Variants in ANKRD13A observed in about 807,000 individuals in gnomAD.
The protein encoded by ANKRD13A is ankyrin repeat domain-containing protein 13A.
A neutral mutation model predicts 81.3 loss-of-function variants in ANKRD13A; 48 were observed. That is an observed-to-expected ratio of 0.59 (90% CI 0.47 to 0.75). The LOEUF (loss-of-function observed/expected upper bound fraction) is 0.75. Ranked by LOEUF, ANKRD13A falls within the 30% of genes least tolerant of loss-of-function variation. The probability of loss-of-function intolerance (pLI) is 0.00; values close to 1 mark genes in which losing one functional copy is unlikely to be tolerated. For missense variants in ANKRD13A, 612 were observed against 734.0 expected, an observed-to-expected ratio of 0.83 and a Z score of 1.92; for synonymous variants, 230 against 270.1, an observed-to-expected ratio of 0.85 and a Z score of 1.45.
chr12:110,028,045 A>G, intron 9 of ANKRD13A: 1 of 442,410 alleles, frequency 2.3e-6, no homozygotes, highest in South Asian at 2.8e-5. Flanking sequence ...GGAACTTAAA[A>G]AGGATTCAGG....
chr12:110,023,962 G>C, intron 6 of ANKRD13A, 84 bp from the exon 7 acceptor site: 1 of 1,373,036 alleles, frequency 7.3e-7, no homozygotes, highest in South Asian at 1.3e-5. Flanking sequence ...TAAGCTGGGG[G>C]GGAAAAAAAC....
chr12:110,017,556 A>G (rs1160010864), intron 4 of ANKRD13A, among the ~76,000 whole-genome samples: 2 of 152,220 alleles, frequency 1.3e-5, no homozygotes, highest in African/African-American at 4.8e-5. Context: ...AAAGTACGTA[A>G]AAGAATAGAA....
chr12:110,024,119 G>A lies in ANKRD13A; in HGVS notation c.801+7G>A. ...TAATGGTTACGAAGCAAAGGTAAAA[G>A]GAAACTCTTAAAATAAGATTTAATA... On this transcript the variant is annotated splice_region_variant and intron_variant, in intron 7 of 14. Coordinates refer to ENST00000261739, the MANE Select transcript of ANKRD13A (RefSeq NM_033121.2). 5 of 1,592,546 alleles carry A rather than the reference G, an allele frequency of 3.1e-6. No homozygotes were observed. Among genetic ancestry groups the A allele is most frequent in the Non-Finnish European group, 3.4e-6 (4 of 1,173,964 alleles).
chr12:110,012,145 T>C lies in ANKRD13A; in HGVS notation c.229+8T>C, dbSNP rs1369526448. The C allele has an allele frequency of 1.0e-5, 16 of 1,599,240 alleles. No individual in the cohort carries two copies. Among genetic ancestry groups the C allele is most frequent in the Non-Finnish European group, 1.4e-5 (16 of 1,167,922 alleles). On this transcript the variant is annotated splice_region_variant and intron_variant, in intron 2 of 14. Coordinates refer to ENST00000261739, the MANE Select transcript of ANKRD13A (RefSeq NM_033121.2). ...ATCGCCAGGGATGGACAGGTAAGTA[T>C]ACTTTTACAATAATTTAAAGTCCGT... is the stretch of plus-strand genomic sequence containing the variant.
chr12:110,030,270 G>A (rs988740831), intron 11 of ANKRD13A, among the ~76,000 whole-genome samples: 6 of 151,810 alleles, frequency 4.0e-5, no homozygotes, highest in African/African-American at 1.5e-4. Flanking sequence ...GGGTTCAAGC[G>A]ATTTTCCTGC....
intron 1 of ANKRD13A, among the ~76,000 whole-genome samples, chr12:110,011,249 G>T (rs1223794469): frequency 4.6e-5 from 7 of 152,188 alleles, no homozygotes; most frequent in Admixed American, 4.6e-4. Context: ...GCGTGGCTCT[G>T]GACACGCGGT....
chr12:110,036,379 A>G lies in ANKRD13A; in HGVS notation c.1577+51A>G, dbSNP rs992605371. Reference sequence around the variant, plus strand: ...TAAACCAGGGTGAACACAGGCCTGGACACAGGCGAGCAGACGCGTGGCACT... The same window carrying G: ...TAAACCAGGGTGAACACAGGCCTGGGCACAGGCGAGCAGACGCGTGGCACT... On this transcript the variant is annotated intron_variant, in intron 14 of 14. Transcript: ENST00000261739. The surrounding 1 kb of genome is among the most constrained non-coding windows in gnomAD (Gnocchi z 4.6). 6.4e-6 allele frequency: 10 copies of G among 1,565,598 alleles called. No individual in the cohort carries two copies. In the Middle Eastern group the frequency reaches 6.7e-4, roughly 105 times the overall value.
intron 1 of ANKRD13A, among the ~76,000 whole-genome samples, chr12:110,005,943 A>G (rs1890221838): frequency 6.6e-6 from 1 of 151,908 alleles, no homozygotes. Flanking sequence ...CAGCCTCCCT[A>G]GTAGCTGGGA....
intron 1 of ANKRD13A, among the ~76,000 whole-genome samples, chr12:110,005,778 A>G (rs1056601706): frequency 5.3e-5 from 8 of 152,116 alleles, no homozygotes; most frequent in African/African-American, 1.9e-4. Context: ...CTTTTTGGCT[A>G]TTATGAGTAA....
chr12:110,023,399 C>T (rs984232594), intron 6 of ANKRD13A, among the ~76,000 whole-genome samples: 21 of 152,112 alleles, frequency 1.4e-4, no homozygotes, highest in African/African-American at 5.1e-4. Flanking sequence ...AAAGGAGTTC[C>T]ACAGAGATGG....
intron 7 of ANKRD13A, among the ~76,000 whole-genome samples, chr12:110,025,186 T>C (rs916429562): frequency 6.6e-6 from 1 of 152,066 alleles, no homozygotes; most frequent in Non-Finnish European, 1.5e-5. Context: ...TGAAACCCCG[T>C]CTCTACTAAA....
chr12:110,037,638 G>C lies in ANKRD13A; in HGVS notation c.*84G>C. 7.1e-7 allele frequency: 1 copy of C among 1,410,658 alleles called. No individual in the cohort carries two copies. Among genetic ancestry groups the C allele is most frequent in the Non-Finnish European group, 9.6e-7 (1 of 1,046,396 alleles). The allele number at this position is 1,410,658 out of a possible 1,614,324, so 87.4% of individuals were successfully genotyped here. A position where few individuals can be genotyped will look rare whatever the true frequency, so the allele number is the denominator to read the frequency against. ...TGTCAACCAGGGCCCTAGGGCTAAG[G>C]GCCTGCACCTTGCGTGCATGCAGCA... On this transcript the variant is annotated 3_prime_UTR_variant, in exon 15 of 15. Transcript: ENST00000261739.
intron 13 of ANKRD13A, among the ~76,000 whole-genome samples, chr12:110,035,650 A>G (rs980798507): frequency 2.6e-5 from 4 of 151,934 alleles, no homozygotes; most frequent in Non-Finnish European, 5.9e-5. Context: ...GGGTTTTACC[A>G]TGTTGTCCAG....
At position 110,018,515 on chromosome 12, in the gene ANKRD13A, C is replaced by T. The variant is rs768951858; in HGVS notation, c.544+27C>T. The T allele has an allele frequency of 2.5e-6, 4 of 1,602,002 alleles. No individual in the cohort carries two copies. Among genetic ancestry groups the T allele is most frequent in the Non-Finnish European group, 1.7e-6 (2 of 1,171,920 alleles). On this transcript the variant is annotated intron_variant, in intron 5 of 14. Coordinates refer to ENST00000261739, the MANE Select transcript of ANKRD13A (RefSeq NM_033121.2). The surrounding 1 kb of genome is among the most constrained non-coding windows in gnomAD (Gnocchi z 4.4). ...TGAGTGACTTCTCTTGTAGTAATCA[C>T]TGCTCAAGCAAAATTACAGGGTGAT... is the stretch of plus-strand genomic sequence containing the variant.
At position 110,033,789 on chromosome 12, in the gene ANKRD13A, TG is replaced by T; in HGVS notation, c.1349-7del. On this transcript the variant is annotated splice_region_variant and splice_polypyrimidine_tract_variant and intron_variant, in intron 12 of 14. Transcript: ENST00000261739. Reference sequence around the variant, plus strand: ...ACTCAGACACTGGACGGTTGCCTTTTGTTTCAGCTTCCCACATCACAAACTT... The same window carrying T: ...ACTCAGACACTGGACGGTTGCCTTTTTTTCAGCTTCCCACATCACAAACTT... The T allele has an allele frequency of 6.3e-7, 1 of 1,590,318 alleles. No homozygotes were observed. The highest frequency in any genetic ancestry group is 8.6e-7 in the Non-Finnish European group (1 of 1,165,938).
intron 1 of ANKRD13A, among the ~76,000 whole-genome samples, chr12:110,005,509 C>T (rs558560382): frequency 6.6e-6 from 1 of 152,314 alleles, no homozygotes; most frequent in East Asian, 1.9e-4. Context: ...CCCTCCAGCC[C>T]AGGCAACCTG....
Position 110,000,673 on chromosome 12 carries a change from C to T in ANKRD13A, c.96+889C>T, listed in dbSNP as rs539291933. Among the ~76,000 whole-genome samples the T allele has an allele frequency of 2.0e-5, 3 of 151,990 alleles. No individual in the cohort carries two copies. In the East Asian group the frequency reaches 5.8e-4, roughly 29 times the overall value. On this transcript the variant is annotated intron_variant, in intron 1 of 14. Transcript: ENST00000261739. The stretch of plus-strand genomic sequence containing the variant: ...GCTCAACATCCTACAATGGCCAAGA[C>T]AGCCCCCCGCAACTAAGACTTCTCC...
intron 8 of ANKRD13A, 132 bp downstream of exon 8, chr12:110,025,955 T>A: frequency 3.1e-6 from 2 of 649,430 alleles, no homozygotes; most frequent in Non-Finnish European, 5.0e-6. Context: ...ACTTCTTCTC[T>A]CTCTCTCTCT....
rs1892193447 is a variant in ANKRD13A, at chr12:110,038,521, T to G, written c.*967T>G. On this transcript the variant is annotated 3_prime_UTR_variant, in exon 15 of 15. Transcript: ENST00000261739. ...CCTAGACTCACTCCAGAGGAAGGAT[T>G]GATTTGCAACCAGAAAGGGAGCTGA... 6.6e-6 allele frequency: 1 copy of G among 152,600 alleles called. No individual in the cohort carries two copies. Among genetic ancestry groups the G allele is most frequent in the East Asian group, 1.9e-4 (1 of 5,200 alleles). The allele number at this position is 152,600 out of a possible 1,614,324, so 9.5% of individuals were successfully genotyped here. A position where few individuals can be genotyped will look rare whatever the true frequency, so the allele number is the denominator to read the frequency against.
Sources: allele counts gnomAD v4.1 joint callset (sites outside exome capture counted in the v4.1 genomes callset), GRCh38; gene constraint gnomAD v4.1.1; non-coding constraint Gnocchi (gnomAD v3.1); transcripts MANE v1.5; gene names NCBI Gene and HGNC (gene_info 2026-07-23, HGNC 2026-07-21).